The following IRAG2 variants were observed in gnomAD, a reference collection of about 807,000 sequenced individuals.
The protein encoded by IRAG2 is inositol 1,4,5-triphosphate receptor associated 2, also known as lymphoid restricted membrane protein.
IRAG2 carries 45 observed loss-of-function variants against 69.9 expected under a neutral mutation model. The ratio of observed to expected loss-of-function variants is 0.64; its 90% CI spans 0.51 to 0.83. The LOEUF (loss-of-function observed/expected upper bound fraction) is 0.83. Ranked by LOEUF, IRAG2 falls within the 40% of genes least tolerant of loss-of-function variation. IRAG2 has a pLI of 0.00. For synonymous variants in IRAG2, 193 were observed against 202.4 expected (o/e 0.95, Z 0.40); for missense variants, 520 against 587.0 (o/e 0.89, Z 1.18).
At chr12:25,102,175 T>C (rs1454398642) in intron 16 of IRAG2, 23 bp from the exon 17 acceptor site, 1 of 1,607,014 alleles carries the variant, frequency 6.2e-7, no homozygotes, top group Admixed American at 1.7e-5. Flanking sequence ...AGCTAAAATG[T>C]GTCAATGTGT....
chr12:25,081,822 T>G (rs1279875005), intron 9 of IRAG2, among the ~76,000 whole-genome samples: 1 of 152,218 alleles, frequency 6.6e-6, no homozygotes, highest in Non-Finnish European at 1.5e-5. Flanking sequence ...AAAGGACTAC[T>G]GTTTCTTGGG....
chr12:25,073,129 A>C (rs1200362377), intron 6 of IRAG2, among the ~76,000 whole-genome samples: 1 of 152,118 alleles, frequency 6.6e-6, no homozygotes, highest in Non-Finnish European at 1.5e-5. Context: ...TTTCTCAATG[A>C]TCCAACTCAG....
At chr12:25,040,721 A>G (rs912946028) in intron 16 of IRAG2, among the ~76,000 whole-genome samples, 1 of 152,154 alleles carries the variant, frequency 6.6e-6, no homozygotes, top group African/African-American at 2.4e-5. Context: ...AGTGGGCCAA[A>G]GAGAGGCATG....
At chr12:25,020,975 T>A in intron 7 of IRAG2, 2 of 768,102 alleles carry the variant, frequency 2.6e-6, no homozygotes, top group Non-Finnish European at 3.5e-6. Context: ...ACAAGAGGAC[T>A]TATCCGGTGG....
At chr12:25,073,924 A>G (rs942633607) in intron 6 of IRAG2, among the ~76,000 whole-genome samples, 1 of 152,254 alleles carries the variant, frequency 6.6e-6, no homozygotes, top group Admixed American at 6.5e-5. Flanking sequence ...TGACGGATAT[A>G]CCAGGATTCA....
At chr12:25,022,424 G>T (rs1944588757) in intron 7 of IRAG2, among the ~76,000 whole-genome samples, 1 of 152,082 alleles carries the variant, frequency 6.6e-6, no homozygotes, top group South Asian at 2.1e-4. Context: ...AACCTAGGAG[G>T]TGGAGGCTGC....
intron 16 of IRAG2, among the ~76,000 whole-genome samples, chr12:25,040,500 T>A (rs1222422372): frequency 6.7e-6 from 1 of 148,772 alleles, no homozygotes; most frequent in Non-Finnish European, 1.5e-5. Context: ...AGCAAGACAC[T>A]GCCTCTTAAA....
chr12:25,026,946 T>A, intron 9 of IRAG2: 2 of 613,028 alleles, frequency 3.3e-6, no homozygotes, highest in Non-Finnish European at 4.7e-6. Flanking sequence ...TATGCCTCAT[T>A]GACAAACTAA....
chr12:25,008,077 G>A (rs1390725468), intron 2 of IRAG2, among the ~76,000 whole-genome samples: 2 of 152,152 alleles, frequency 1.3e-5, no homozygotes, highest in African/African-American at 4.8e-5. Flanking sequence ...CATAGATGGT[G>A]TTATGTGTTT....
chr12:25,084,172 G>C (rs151268563), intron 10 of IRAG2, among the ~76,000 whole-genome samples: 3 of 152,178 alleles, frequency 2.0e-5, no homozygotes, highest in Non-Finnish European at 2.9e-5. Context: ...AGGATTGCTT[G>C]AGCCTAAGAG....
chr12:25,082,555 G>A (rs1246303666), intron 9 of IRAG2, among the ~76,000 whole-genome samples: 1 of 151,710 alleles, frequency 6.6e-6, no homozygotes, highest in East Asian at 1.9e-4. Flanking sequence ...AGCTGAGACT[G>A]CGCCACTGCC....
At chr12:25,022,463 C>A (rs953610693) in intron 7 of IRAG2, among the ~76,000 whole-genome samples, 2 of 151,992 alleles carry the variant, frequency 1.3e-5, no homozygotes, top group Admixed American at 6.5e-5. Context: ...CACTGCATTC[C>A]AGCCTGGGTG....
chr12:25,104,720 A>G (rs1205913849), intron 20 of IRAG2, among the ~76,000 whole-genome samples: 2 of 152,180 alleles, frequency 1.3e-5, no homozygotes, highest in African/African-American at 4.8e-5. Flanking sequence ...TTGTGAAGAT[A>G]ATTTTTTTCC....
intron 14 of IRAG2, among the ~76,000 whole-genome samples, chr12:25,092,049 T>C (rs1405987998): frequency 1.3e-5 from 2 of 152,184 alleles, no homozygotes; most frequent in Non-Finnish European, 2.9e-5. Flanking sequence ...GGCAGATACC[T>C]GAGGTCAGGA....
intron 1 of IRAG2, among the ~76,000 whole-genome samples, chr12:25,053,995 G>A (rs1028242737): frequency 6.6e-6 from 1 of 152,102 alleles, no homozygotes; most frequent in Non-Finnish European, 1.5e-5. Flanking sequence ...ATTTTGGGAG[G>A]CCGAGGTGGG....
chr12:25,052,923 C>T lies in IRAG2; in HGVS notation c.-480C>T, dbSNP rs1378711282. 1 of 398,444 alleles carries T rather than the reference C, an allele frequency of 2.5e-6. No homozygotes were observed. Among genetic ancestry groups the T allele is most frequent in the Non-Finnish European group, 4.4e-6 (1 of 226,058 alleles). The allele number at this position is 398,444 out of a possible 1,614,324, so 24.7% of individuals were successfully genotyped here. On this transcript the variant is annotated 5_prime_UTR_variant, in exon 1 of 22. Transcript: ENST00000556887. ...AAATACTGAATTATCGAACACTTGC[C>T]AGGCACTTCAGCAGAAGACAAGGAA...
chr12:25,077,277 A>ATG (rs1565562885), intron 6 of IRAG2, among the ~76,000 whole-genome samples: 2 of 21,824 alleles, frequency 9.2e-5, no homozygotes, highest in African/African-American at 3.0e-4. Flanking sequence ...ATATATATGA[A>ATG]ATATATATGA....
Position 25,079,667 on chromosome 12 carries a change from G to A in IRAG2, c.148G>A (p.Glu50Lys), listed in dbSNP as rs777968702. The A allele has an allele frequency of 8.1e-6, 13 of 1,611,034 alleles. No homozygotes were observed. The highest frequency in any genetic ancestry group is 3.3e-4 in the Middle Eastern group (2 of 6,080). ...GTITSSDPGL[E>K]ILNMASCDLD... ...TCTCCTGTTGACAGATCCTGGATTA[G>A]AAATTCTGAATATGGCTTCTTGTGA... The change falls in exon 9 of 22, where the codon GAA (glutamate) becomes AAA (lysine). Residue 50 changes from glutamate to lysine, a missense_variant. Coordinates refer to ENST00000556887, the MANE Select transcript of IRAG2 (RefSeq NM_001366544.2).
intron 8 of IRAG2, 93 bp from the exon 9 acceptor site, chr12:25,079,563 T>A (rs1947056270): frequency 7.7e-7 from 1 of 1,297,232 alleles, no homozygotes; most frequent in African/African-American, 1.5e-5. Flanking sequence ...GAGAAGAACA[T>A]AGGCAAATAC....
Sources: gnomAD v4.1 joint callset for allele counts (sites outside exome capture counted in the v4.1 genomes callset) on GRCh38, gnomAD v4.1.1 for gene constraint, MANE v1.5 for transcripts, NCBI Gene and HGNC (gene_info 2026-07-23, HGNC 2026-07-21) for gene names.